Variants in F8 observed in about 807,000 individuals in gnomAD.
F8 encodes coagulation factor VIII.
Under a neutral mutation model 140.6 loss-of-function variants are expected in F8, and 12 were observed. The ratio of observed to expected loss-of-function variants is 0.09; its 90% CI spans 0.05 to 0.14. F8 has a LOEUF of 0.14. Among genes scored for constraint, F8 ranks in the 10% least tolerant of loss-of-function variants. The pLI is 1.00. For missense variants in F8, 1,354 were observed against 1,720.7 expected, an observed-to-expected ratio of 0.79 and a Z score of 3.77; for synonymous variants, 585 against 614.6, an observed-to-expected ratio of 0.95 and a Z score of 0.71.
intron 13 of F8, among the ~76,000 whole-genome samples, chrX:154,934,333 TC>T (rs1390857989): frequency 1.8e-5 from 2 of 111,813 alleles, no homozygotes; most frequent in African/African-American, 6.5e-5. Flanking sequence ...TAATTATTCC[TC>T]CTACTTCAGC....
At chrX:154,961,370 T>C (rs1557281587) in intron 9 of F8, among the ~76,000 whole-genome samples, 1 of 111,721 alleles carries the variant, frequency 9.0e-6, no homozygotes, top group African/African-American at 3.2e-5. Context: ...CCCCTGCAGA[T>C]ACCACAATCT....
At chrX:155,011,578 T>C (rs1287877254) in intron 1 of F8, among the ~76,000 whole-genome samples, 3 of 112,314 alleles carry the variant, frequency 2.7e-5, no homozygotes, top group Non-Finnish European at 3.8e-5. Context: ...AATAAAAGCA[T>C]ATGTACACAA....
In F8 at chrX:154,928,684, A is replaced by C; in HGVS notation, c.5106T>G (p.Asp1702Glu). Reference sequence around the variant, plus strand: ...GAAAGCTGCGGGGGCTCTGATTTTCATCCTCATCATAAATGTCAAAATCTT... The same window carrying C: ...GAAAGCTGCGGGGGCTCTGATTTTCCTCCTCATCATAAATGTCAAAATCTT... ...KKEDFDIYDE[D>E]ENQSPRSFQK... is the part of the protein sequence containing the mutation. Residue 1702 changes from aspartate to glutamate, a missense_variant, in exon 14 of 26, where the codon GAT becomes GAG. Asp to Glu is a conservative substitution (Grantham distance 45). Around this residue, in one of 4 missense-constraint regions of F8, gnomAD observed 658 missense variants for 666.5 expected, o/e 0.99. Coordinates refer to ENST00000360256, the MANE Select transcript of F8 (RefSeq NM_000132.4). 1 of 1,209,636 alleles carries C rather than the reference A, an allele frequency of 8.3e-7. No individual in the cohort carries two copies. The highest frequency in any genetic ancestry group is 1.1e-6 in the Non-Finnish European group (1 of 894,669).
chrX:154,966,745 A>G, intron 7 of F8, 58 bp from the exon 8 acceptor site: 2 of 1,142,739 alleles, frequency 1.8e-6, no homozygotes, highest in Middle Eastern at 2.4e-4. Flanking sequence ...GCTGTTCTAT[A>G]CCAGAGACTA....
At chrX:154,844,428 G>T (rs2072547062) in intron 25 of F8, among the ~76,000 whole-genome samples, 1 of 111,796 alleles carries the variant, frequency 8.9e-6, no homozygotes, top group Non-Finnish European at 1.9e-5. Flanking sequence ...CATGAGCATG[G>T]AATGTTCTTC....
In F8 at chrX:154,966,670, C is replaced by A; in HGVS notation, c.1027G>T (p.Val343Phe). Residue 343 changes from valine (V) to phenylalanine (F), a missense_variant, in exon 8 of 26, where the codon GTC (valine) becomes TTC (phenylalanine). Transcript: ENST00000360256. ...TCCTCTGGACAGCTGTCTACTTTGA[C>A]ATAAGCTTCCATGCCATCTGGAGTC... ...SHQHDGMEAY[V>F]KVDSCPEEPQ... 4 of 1,211,429 alleles carry A rather than the reference C, an allele frequency of 3.3e-6. No individual in the cohort carries two copies. Among genetic ancestry groups the A allele is most frequent in the Admixed American group, 4.3e-5 (2 of 46,019 alleles).
At chrX:154,849,035 T>C (rs1307685683) in intron 25 of F8, among the ~76,000 whole-genome samples, 4 of 111,724 alleles carry the variant, frequency 3.6e-5, no homozygotes, top group African/African-American at 1.3e-4. Flanking sequence ...GTTCCATCAA[T>C]TGACGAGAGA....
intron 25 of F8, among the ~76,000 whole-genome samples, chrX:154,857,285 T>C (rs971773959): frequency 9.0e-6 from 1 of 111,726 alleles, no homozygotes; most frequent in Non-Finnish European, 1.9e-5. Flanking sequence ...GTATGAACAA[T>C]GGCACTCCAT....
At chrX:154,994,560 T>A (rs1312193292) in intron 3 of F8, among the ~76,000 whole-genome samples, 1 of 112,165 alleles carries the variant, frequency 8.9e-6, no homozygotes, top group Non-Finnish European at 1.9e-5. Context: ...AAATTTGGCT[T>A]GTAGTCCTGT....
chrX:155,014,547 CGCTACTAGA>C (rs2073725172), intron 1 of F8, among the ~76,000 whole-genome samples: 1 of 111,867 alleles, frequency 8.9e-6, no homozygotes, highest in Non-Finnish European at 1.9e-5. Flanking sequence ...AAGTGCAAAA[CGCTACTAGA>C]GCTAAAATGC....
intron 4 of F8, 32 bp from the exon 5 acceptor site, chrX:154,987,337 T>C: frequency 8.7e-7 from 1 of 1,151,764 alleles, no homozygotes; most frequent in Non-Finnish European, 1.2e-6. Context: ...TTATCTTCTA[T>C]TTAAAAAATC....
chrX:154,967,840 T>C (rs2073433530), intron 7 of F8, among the ~76,000 whole-genome samples: 1 of 111,557 alleles, frequency 9.0e-6, no homozygotes, highest in African/African-American at 3.3e-5. Flanking sequence ...CTTGTCAAAA[T>C]TCCATAAATA....
At chrX:154,997,926 G>A (rs953287961) in intron 2 of F8, among the ~76,000 whole-genome samples, 1 of 112,221 alleles carries the variant, frequency 8.9e-6, no homozygotes, top group Non-Finnish European at 1.9e-5. Flanking sequence ...TTGTTAGTCA[G>A]GCCATGACAG....
chrX:154,937,940 A>G (rs1277155876), intron 13 of F8, among the ~76,000 whole-genome samples: 2 of 111,713 alleles, frequency 1.8e-5, no homozygotes, highest in African/African-American at 6.5e-5. Flanking sequence ...AAATTTATAT[A>G]AAAATCAAAG....
At chrX:154,918,698 G>C (rs2073112495) in intron 14 of F8, 1 of 106,436 alleles carries the variant, frequency 9.4e-6, no homozygotes, top group East Asian at 2.9e-4. Flanking sequence ...TGATAAGCTA[G>C]ACACTGAATA....
chrX:154,857,258 C>T (rs991699824), intron 25 of F8, among the ~76,000 whole-genome samples: 6 of 111,949 alleles, frequency 5.4e-5, no homozygotes, highest in African/African-American at 1.9e-4. Flanking sequence ...ATCTGACCCA[C>T]CAAGCCATAA....
In F8 at chrX:154,850,715, G is replaced by A. The variant is rs1372832643; in HGVS notation, c.6900+9717C>T. ...TGTCTGTGTCCTAATTTCCTCTTTT[G>A]CTTTAACGCATAAAAGATATTTTCA... On this transcript the variant is annotated intron_variant, in intron 25 of 25. Coordinates refer to ENST00000360256, the MANE Select transcript of F8 (RefSeq NM_000132.4). Among the ~76,000 whole-genome samples, 3 of 110,704 alleles carry A rather than the reference G, an allele frequency of 2.7e-5. No individual in the cohort carries two copies. In the Admixed American group the frequency reaches 2.9e-4, roughly 11 times the overall value.
intron 1 of F8, among the ~76,000 whole-genome samples, chrX:155,010,389 A>G (rs1266652562): frequency 8.9e-6 from 1 of 111,914 alleles, no homozygotes; most frequent in Non-Finnish European, 1.9e-5. Flanking sequence ...GTTAGAAGAA[A>G]CTGAGCAGCT....
At position 155,022,401 on chromosome X, in the gene F8, T is replaced by A. The variant is rs372458001; in HGVS notation, c.143+9A>T. The A allele has an allele frequency of 1.2e-5, 14 of 1,209,560 alleles. No homozygotes were observed. The East Asian group carries it at 1.2e-4, about 10-fold the overall frequency. On this transcript the variant is annotated intron_variant, in intron 1 of 25. Transcript: ENST00000360256. ...GGCCCCGATCAGACCCTACAGGACA[T>A]GCCTTTACCTTGCGTCCACAGGCAG...
Sources: allele counts gnomAD v4.1 joint callset (sites outside exome capture counted in the v4.1 genomes callset), GRCh38; gene constraint gnomAD v4.1.1; regional missense constraint gnomAD v4.1.1; transcripts MANE v1.5; gene names NCBI Gene and HGNC (gene_info 2026-07-23, HGNC 2026-07-21).